Variants in EFNA5 observed in about 807,000 individuals in gnomAD.
EFNA5 encodes the protein ephrin A5.
A neutral mutation model predicts 22.9 loss-of-function variants in EFNA5; 5 were observed. The observed-to-expected ratio is 0.22, with a 90% CI of 0.11 to 0.46. EFNA5 has a LOEUF of 0.46. Among genes scored for constraint, EFNA5 ranks in the 20% least tolerant of loss-of-function variants. EFNA5 has a pLI of 0.99. For synonymous variants in EFNA5, 113 were observed against 112.2 expected (o/e 1.01, Z -0.04); for missense variants, 237 against 293.3 (o/e 0.81, Z 1.40).
chr5:107,482,878 A>C lies in EFNA5; in HGVS notation c.126-55369T>G, dbSNP rs1283674905. Among the ~76,000 whole-genome samples the C allele has an allele frequency of 1.2e-3, 100 of 83,506 alleles. 1 individual carries two copies. The highest frequency in any genetic ancestry group is 5.5e-3 in the East Asian group (13 of 2,376). 54.8% of individuals were successfully genotyped at this position (83,506 alleles called of 152,430 possible). A position where few individuals can be genotyped will look rare whatever the true frequency, so the allele number is the denominator to read the frequency against. On this transcript the variant is annotated intron_variant, in intron 1 of 4. Coordinates refer to ENST00000333274, the MANE Select transcript of EFNA5 (RefSeq NM_001962.3). Reference sequence around the variant, plus strand: ...TCTCTCTCTCTCTCTCTCTATATATATATATATATATATATACATACATAT... The same window carrying C: ...TCTCTCTCTCTCTCTCTCTATATATCTATATATATATATATACATACATAT...
At chr5:107,397,293 G>C (rs533233771) in intron 2 of EFNA5, among the ~76,000 whole-genome samples, 1 of 152,284 alleles carries the variant, frequency 6.6e-6, no homozygotes, top group Admixed American at 6.5e-5. Flanking sequence ...GCTCATGCCT[G>C]TAATCCCAAC....
intron 2 of EFNA5, among the ~76,000 whole-genome samples, chr5:107,414,641 T>C (rs940710468): frequency 1.3e-5 from 2 of 152,278 alleles, no homozygotes; most frequent in African/African-American, 2.4e-5. Flanking sequence ...CAAGTAGAGT[T>C]TAATAAAGGG....
rs191621970 is a variant in EFNA5, at chr5:107,489,467, G to A, written c.126-61958C>T. 5.3e-5 allele frequency among the ~76,000 whole-genome samples: 8 copies of A among 152,242 alleles called. 1 individual carries two copies. Among genetic ancestry groups the A allele is most frequent in the South Asian group, 2.1e-4 (1 of 4,822 alleles). On this transcript the variant is annotated intron_variant, in intron 1 of 4. Transcript: ENST00000333274. The stretch of plus-strand genomic sequence containing the variant: ...ATTACAGGCATGAACCACCGTGCCC[G>A]TCCTGGACCAGATAAAATTTAAACC...
At chr5:107,583,259 G>A (rs565394979) in intron 1 of EFNA5, among the ~76,000 whole-genome samples, 1 of 152,288 alleles carries the variant, frequency 6.6e-6, no homozygotes, top group South Asian at 2.1e-4. Flanking sequence ...CTAAGAGAAT[G>A]TCCAAATAAG....
chr5:107,669,133 A>G (rs1751132054), intron 1 of EFNA5, among the ~76,000 whole-genome samples: 3 of 151,978 alleles, frequency 2.0e-5, no homozygotes, highest in Non-Finnish European at 4.4e-5. Context: ...TTATTCAAGC[A>G]GGGAATCCCT....
intron 1 of EFNA5, among the ~76,000 whole-genome samples, chr5:107,603,087 T>G (rs1001542345): frequency 6.6e-6 from 1 of 152,218 alleles, no homozygotes; most frequent in African/African-American, 2.4e-5. Context: ...GTCAAATCAC[T>G]TCTTGTAATG....
intron 2 of EFNA5, among the ~76,000 whole-genome samples, chr5:107,419,868 A>C (rs1478177928): frequency 6.6e-6 from 1 of 152,144 alleles, no homozygotes; most frequent in East Asian, 1.9e-4. Flanking sequence ...AGTAAAATGC[A>C]CACACACACA....
intron 2 of EFNA5, among the ~76,000 whole-genome samples, chr5:107,399,555 C>A (rs1423643666): frequency 6.6e-6 from 1 of 152,152 alleles, no homozygotes; most frequent in Non-Finnish European, 1.5e-5. Context: ...AGATTAGAAT[C>A]CAAGTGACCA....
chr5:107,542,938 GGAAGAAA>G (rs1183016336), intron 1 of EFNA5, among the ~76,000 whole-genome samples: 2 of 151,724 alleles, frequency 1.3e-5, no homozygotes, highest in Non-Finnish European at 2.9e-5. Context: ...ATGCTCAGAG[GGAAGAAA>G]GATGGTCATA....
chr5:107,408,119 T>C (rs998653051), intron 2 of EFNA5, among the ~76,000 whole-genome samples: 2 of 152,098 alleles, frequency 1.3e-5, no homozygotes, highest in African/African-American at 4.8e-5. Context: ...TCTACACATG[T>C]ATGACTTAAG....
chr5:107,521,771 C>T (rs925163367), intron 1 of EFNA5, among the ~76,000 whole-genome samples: 2 of 152,088 alleles, frequency 1.3e-5, no homozygotes, highest in Non-Finnish European at 2.9e-5. Flanking sequence ...TTCATACCAT[C>T]GTAAAGTGCA....
At chr5:107,631,025 A>T (rs1750238309) in intron 1 of EFNA5, among the ~76,000 whole-genome samples, 2 of 152,140 alleles carry the variant, frequency 1.3e-5, no homozygotes, top group Admixed American at 1.3e-4. Flanking sequence ...CTCCTATGGT[A>T]ACAACGTTTT....
At chr5:107,465,056 T>C (rs1196584168) in intron 1 of EFNA5, among the ~76,000 whole-genome samples, 3 of 127,304 alleles carry the variant, frequency 2.4e-5, no homozygotes, top group Non-Finnish European at 4.8e-5. Flanking sequence ...TTCCATTCTG[T>C]GTGAGGCTTT....
At chr5:107,617,115 C>T (rs549784200) in intron 1 of EFNA5, among the ~76,000 whole-genome samples, 1 of 151,820 alleles carries the variant, frequency 6.6e-6, no homozygotes, top group East Asian at 1.9e-4. Flanking sequence ...AAAATATTAA[C>T]CCTAATTCAG....
intron 1 of EFNA5, among the ~76,000 whole-genome samples, chr5:107,440,410 T>C (rs1749225350): frequency 6.6e-6 from 1 of 152,200 alleles, no homozygotes; most frequent in Admixed American, 6.6e-5. Context: ...AGAACTATAG[T>C]TCAAAGGGAG....
chr5:107,561,992 G>A (rs925698251), intron 1 of EFNA5, among the ~76,000 whole-genome samples: 1 of 152,166 alleles, frequency 6.6e-6, no homozygotes, highest in Non-Finnish European at 1.5e-5. Flanking sequence ...TCCCCACTGG[G>A]GGATGGGACG....
At chr5:107,481,331 G>C (rs534440570) in intron 1 of EFNA5, among the ~76,000 whole-genome samples, 6 of 152,314 alleles carry the variant, frequency 3.9e-5, no homozygotes, top group African/African-American at 1.4e-4. Context: ...TGTGACTGTT[G>C]AGATGGCCTT....
chr5:107,445,581 T>A (rs972954049), intron 1 of EFNA5, among the ~76,000 whole-genome samples: 4 of 152,166 alleles, frequency 2.6e-5, no homozygotes, highest in African/African-American at 9.7e-5. Context: ...AAAGGGAGGC[T>A]TCTCAGCTTA....
intron 1 of EFNA5, among the ~76,000 whole-genome samples, 197 bp from the exon 2 acceptor site, chr5:107,427,706 G>T (rs1196193877): frequency 6.6e-6 from 1 of 151,914 alleles, no homozygotes; most frequent in Non-Finnish European, 1.5e-5. Context: ...ATTTTACAGT[G>T]AGATTCCATT....
Sources: allele counts gnomAD v4.1 joint callset (sites outside exome capture counted in the v4.1 genomes callset), GRCh38; gene constraint gnomAD v4.1.1; transcripts MANE v1.5; gene names NCBI Gene and HGNC (gene_info 2026-07-23, HGNC 2026-07-21).